SENP1: variants seen among roughly 807,000 people sequenced by gnomAD.
The protein encoded by SENP1 is SUMO specific peptidase 1.
In SENP1, 21 loss-of-function variants were observed where a neutral mutation model predicts 93.0. The observed-to-expected ratio is 0.23, with a 90% CI of 0.16 to 0.33. The LOEUF (loss-of-function observed/expected upper bound fraction) is 0.33. Among genes scored for constraint, SENP1 ranks in the 10% least tolerant of loss-of-function variants. The pLI is 1.00. For synonymous variants in SENP1, 256 were observed against 259.6 expected (o/e 0.99, Z 0.13); for missense variants, 591 against 758.7 (o/e 0.78, Z 2.60).
intron 6 of SENP1, chr12:48,080,491 C>G (rs1434977310): frequency 6.6e-6 from 1 of 152,298 alleles, no homozygotes; most frequent in Non-Finnish European, 1.5e-5. Context: ...TTGTAGAAGA[C>G]TTCATATTCC....
In SENP1 at chr12:48,079,377, T is replaced by A. The variant is rs189442078; in HGVS notation, c.552+4214A>T. 1.0e-3 allele frequency among the ~76,000 whole-genome samples: 155 copies of A among 151,900 alleles called. 1 individual carries two copies. In the Middle Eastern group the frequency reaches 0.021, roughly 20 times the overall value. ...AGCCCGGCACGGTGCTGCCCGCCTG[T>A]AGTCCCAGCTACTCAGGAGGCTGAG... On this transcript the variant is annotated intron_variant, in intron 6 of 17. Coordinates refer to ENST00000549518, the MANE Select transcript of SENP1 (RefSeq NM_001267594.2).
chr12:48,070,424 T>C (rs1246496718), intron 9 of SENP1, among the ~76,000 whole-genome samples: 1 of 152,178 alleles, frequency 6.6e-6, no homozygotes. Context: ...ACAAGGCATA[T>C]ACATTTGTTT....
chr12:48,061,837 T>A (rs1365187185), intron 13 of SENP1, among the ~76,000 whole-genome samples: 1 of 152,200 alleles, frequency 6.6e-6, no homozygotes, highest in Admixed American at 6.5e-5. Flanking sequence ...TGGTGCTTTT[T>A]AAGATAGCTC....
In SENP1 at chr12:48,044,404, A is replaced by G. The variant is rs1941217072; in HGVS notation, c.*918T>C. On this transcript the variant is annotated 3_prime_UTR_variant, in exon 18 of 18. Coordinates refer to ENST00000549518, the MANE Select transcript of SENP1 (RefSeq NM_001267594.2). ...TGTGTATATATATATGTATATATAT[A>G]TGAAATTCTCTGTGGTTAGAAACAT... 1 of 150,338 alleles carries G rather than the reference A, an allele frequency of 6.7e-6. No individual in the cohort carries two copies. Among genetic ancestry groups the G allele is most frequent in the Admixed American group, 6.6e-5 (1 of 15,042 alleles). 9.3% of individuals were successfully genotyped at this position (150,338 alleles called of 1,614,324 possible). A position where few individuals can be genotyped will look rare whatever the true frequency, so the allele number is the denominator to read the frequency against.
At chr12:48,053,924 AG>A (rs1402081375) in intron 13 of SENP1, among the ~76,000 whole-genome samples, 2 of 152,206 alleles carry the variant, frequency 1.3e-5, no homozygotes, top group Non-Finnish European at 2.9e-5. Context: ...GGGTTTATAG[AG>A]TAGAACCCAT....
rs1339779061 is a variant in SENP1, at chr12:48,085,020, T to C, written c.381-1258A>G. The C allele has an allele frequency of 4.1e-6, 4 of 969,472 alleles. No homozygotes were observed. In the East Asian group the frequency reaches 7.9e-5, roughly 19 times the overall value. The allele number at this position is 969,472 out of a possible 1,614,324, so 60.1% of individuals were successfully genotyped here. ...TGTGTTAAGAATGGGGAAATGAGAG[T>C]GGCTTCTGGTGCTCTGGGGTGAGCT... On this transcript the variant is annotated intron_variant, in intron 5 of 17. Coordinates refer to ENST00000549518, the MANE Select transcript of SENP1 (RefSeq NM_001267594.2).
intron 12 of SENP1, 140 bp from the exon 13 acceptor site, chr12:48,063,981 C>A: frequency 1.2e-6 from 1 of 857,750 alleles, no homozygotes; most frequent in Non-Finnish European, 1.7e-6. Flanking sequence ...CAGTTTACTT[C>A]TAACATTTTG....
At chr12:48,096,507 G>T in intron 3 of SENP1, 80 bp from the exon 4 acceptor site, 1 of 820,434 alleles carries the variant, frequency 1.2e-6, no homozygotes, top group Non-Finnish European at 2.0e-6. Context: ...CCAGGCTGGA[G>T]TACACCGGCA....
At chr12:48,099,365 C>CA (rs1211000527) in intron 2 of SENP1, among the ~76,000 whole-genome samples, 6 of 151,364 alleles carry the variant, frequency 4.0e-5, no homozygotes, top group Non-Finnish European at 8.9e-5. Flanking sequence ...AAAACACAAA[C>CA]AAAAAACAAA....
chr12:48,086,565 C>T (rs925126549), intron 5 of SENP1, among the ~76,000 whole-genome samples: 2 of 152,096 alleles, frequency 1.3e-5, no homozygotes, highest in African/African-American at 4.8e-5. Context: ...ATAGGAGAAC[C>T]AAAACAAGAT....
At chr12:48,091,827 C>T (rs1229634550) in intron 4 of SENP1, among the ~76,000 whole-genome samples, 2 of 151,962 alleles carry the variant, frequency 1.3e-5, no homozygotes, top group Non-Finnish European at 2.9e-5. Flanking sequence ...TACATGTACA[C>T]GTTACCATGT....
chr12:48,082,511 A>C (rs545190375), intron 6 of SENP1, among the ~76,000 whole-genome samples: 1 of 152,282 alleles, frequency 6.6e-6, no homozygotes, highest in South Asian at 2.1e-4. Context: ...TATTTTGCTG[A>C]GTTAAAAGGA....
chr12:48,103,048 GA>G (rs1369416146), intron 1 of SENP1, among the ~76,000 whole-genome samples: 2 of 152,042 alleles, frequency 1.3e-5, no homozygotes, highest in African/African-American at 2.4e-5. Flanking sequence ...GATTAAGGGG[GA>G]AAAAATCTTA....
intron 6 of SENP1, among the ~76,000 whole-genome samples, chr12:48,076,712 T>C (rs551134706): frequency 6.6e-6 from 1 of 151,318 alleles, no homozygotes; most frequent in Non-Finnish European, 1.5e-5. Flanking sequence ...GCACGATCTC[T>C]ACTCACTGCA....
chr12:48,105,903 C>T (rs993310162), intron 1 of SENP1, 125 bp downstream of exon 1: 9 of 626,394 alleles, frequency 1.4e-5, no homozygotes, highest in Admixed American at 1.0e-4. Flanking sequence ...GGAAAAGGCG[C>T]CGGCCCCACA....
chr12:48,064,661 C>T (rs1943177190), intron 12 of SENP1, among the ~76,000 whole-genome samples: 1 of 151,990 alleles, frequency 6.6e-6, no homozygotes, highest in Admixed American at 6.6e-5. Flanking sequence ...TTAAATAACA[C>T]GTGTTCTATG....
rs1333950685 is a variant in SENP1 at position 48,088,803 on chromosome 12, T to C, written c.378A>G (p.Ser126=). Residue 126 remains serine (S), a splice_region_variant and synonymous_variant, in exon 5 of 18, where the codon TCA becomes TCG. Transcript: ENST00000549518. The part of the protein sequence containing the change: ...RSLYLETRKT[S]SGLSNSFAGK... ...AACTAAGATGACAAAATACGAACCT[T>C]GAGGTCTTTCGGGTTTCGAGGTAAA... The C allele has an allele frequency of 1.9e-6, 3 of 1,609,438 alleles. No homozygotes were observed. The highest frequency in any genetic ancestry group is 2.5e-6 in the Non-Finnish European group (3 of 1,177,796).
chr12:48,088,377 T>C (rs988811449), intron 5 of SENP1, among the ~76,000 whole-genome samples: 1 of 152,180 alleles, frequency 6.6e-6, no homozygotes, highest in Non-Finnish European at 1.5e-5. Context: ...TTTTCTAATA[T>C]ATAGAAGTAG....
intron 9 of SENP1, among the ~76,000 whole-genome samples, chr12:48,070,356 A>G (rs977432710): frequency 2.6e-5 from 4 of 152,172 alleles, no homozygotes; most frequent in African/African-American, 4.8e-5. Flanking sequence ...TACAAATAGT[A>G]TCCTCCCAAT....
Sources: allele counts gnomAD v4.1 joint callset (sites outside exome capture counted in the v4.1 genomes callset), GRCh38; gene constraint gnomAD v4.1.1; transcripts MANE v1.5; gene names NCBI Gene and HGNC (gene_info 2026-07-23, HGNC 2026-07-21).